STAB2: variants seen among roughly 807,000 people sequenced by gnomAD.
STAB2 encodes the protein stabilin 2, also known as stabilin-2.
A neutral mutation model predicts 338.1 loss-of-function variants in STAB2; 288 were observed. That is an observed-to-expected ratio of 0.85 (90% CI 0.77 to 0.94). The LOEUF (loss-of-function observed/expected upper bound fraction) is 0.94, where lower values mean the gene tolerates loss of function less well. Among genes scored for constraint, STAB2 ranks in the 40% least tolerant of loss-of-function variants. The pLI, the probability that STAB2 is intolerant of heterozygous loss-of-function variation, is 0.00. For missense variants in STAB2, 3,141 were observed against 3,210.1 expected (o/e 0.98, Z 0.52); for synonymous variants, 1,202 against 1,193.3 (o/e 1.01, Z -0.15).
At chr12:103,638,349 C>T in intron 8 of STAB2, 137 bp downstream of exon 8, 2 of 945,492 alleles carry the variant, frequency 2.1e-6, no homozygotes, top group Non-Finnish European at 3.1e-6. Context: ...AGACAGTCCT[C>T]CATGTGCTCA....
In STAB2 at chr12:103,640,182, G is replaced by T; in HGVS notation, c.966G>T (p.Met322Ile). ...QNFVPGVGCS[M>I]TDICKSDNPC... ...TCGTACCTGGAGTGGGGTGCAGTAT[G>T]ACTGATATATGTAAATCAGATAACC... Residue 322 changes from methionine (M) to isoleucine (I), a missense_variant, in exon 9 of 69, where the codon ATG becomes ATT. Coordinates refer to ENST00000388887, the MANE Select transcript of STAB2 (RefSeq NM_017564.10). The T allele has an allele frequency of 6.2e-7, 1 of 1,613,920 alleles. No homozygotes were observed. The highest frequency in any genetic ancestry group is 8.5e-7 in the Non-Finnish European group (1 of 1,179,868).
intron 67 of STAB2, among the ~76,000 whole-genome samples, chr12:103,762,712 T>C (rs1204028650): frequency 6.6e-6 from 1 of 152,204 alleles, no homozygotes; most frequent in Non-Finnish European, 1.5e-5. Flanking sequence ...CCTAGGAGTC[T>C]TGTTTACCTT....
At chr12:103,704,462 ATT>A (rs1466950562) in intron 35 of STAB2, 94 bp from the exon 36 acceptor site, 7 of 1,271,248 alleles carry the variant, frequency 5.5e-6, no homozygotes, top group Admixed American at 4.2e-5. Context: ...ATCTGCCTTG[ATT>A]TTTAATTCAA....
intron 39 of STAB2, chr12:103,711,233 AC>A: frequency 1.8e-6 from 1 of 556,470 alleles, no homozygotes; most frequent in Middle Eastern, 4.6e-4. Flanking sequence ...TTGCATCCTC[AC>A]TGCCTAGCAC....
rs757097792 is a variant in STAB2 at position 103,731,536 on chromosome 12, A to G, written c.5224-40A>G. ...TCTTGTTAAATTCCTCTTAAACTGT[A>G]TAAGGAAAAGTTTCATGCCCATTCT... On this transcript the variant is annotated intron_variant, in intron 49 of 68. Coordinates refer to ENST00000388887, the MANE Select transcript of STAB2 (RefSeq NM_017564.10). 5.0e-6 allele frequency: 8 copies of G among 1,607,542 alleles called. No homozygotes were observed. In the East Asian group the frequency reaches 6.7e-5, roughly 13 times the overall value.
At chr12:103,681,622 T>TC (rs1233544968) in intron 25 of STAB2, among the ~76,000 whole-genome samples, 84 of 139,916 alleles carry the variant, frequency 6.0e-4, no homozygotes, top group African/African-American at 2.2e-3. Flanking sequence ...ACTTTTTTTT[T>TC]TTTTTTTTTT....
At chr12:103,711,219 A>G (rs1879825376) in intron 39 of STAB2, 1 of 505,882 alleles carries the variant, frequency 2.0e-6, no homozygotes, top group Admixed American at 3.7e-5. Flanking sequence ...TGTTTTATTC[A>G]CTCTTGCATC....
intron 38 of STAB2, 33 bp from the exon 39 acceptor site, chr12:103,708,408 A>G (rs1327133264): frequency 6.2e-7 from 1 of 1,604,976 alleles, no homozygotes; most frequent in Admixed American, 1.7e-5. Flanking sequence ...ATGGGTTAGA[A>G]TCTGACGATT....
At chr12:103,690,604 A>C in intron 30 of STAB2, 66 bp downstream of exon 30, 1 of 1,412,912 alleles carries the variant, frequency 7.1e-7, no homozygotes, top group East Asian at 2.3e-5. Flanking sequence ...GTACTTTTTA[A>C]ATTTTCATGT....
chr12:103,667,241 G>A (rs540148082), intron 19 of STAB2, among the ~76,000 whole-genome samples: 2 of 152,192 alleles, frequency 1.3e-5, no homozygotes, highest in African/African-American at 4.8e-5. Flanking sequence ...CTTAACAAAG[G>A]CATTACCCCT....
intron 66 of STAB2, 60 bp from the exon 67 acceptor site, chr12:103,762,214 T>C: frequency 6.3e-7 from 1 of 1,597,930 alleles, no homozygotes; most frequent in East Asian, 2.2e-5. Flanking sequence ...CCACCAAGGG[T>C]TCCCCTTTTG....
At chr12:103,650,076 C>T (rs1396238513) in intron 10 of STAB2, among the ~76,000 whole-genome samples, 2 of 152,124 alleles carry the variant, frequency 1.3e-5, no homozygotes, top group Admixed American at 6.5e-5. Flanking sequence ...TTCAACATGG[C>T]AACTGCAGAG....
At chr12:103,640,576 G>A (rs1872852040) in intron 9 of STAB2, among the ~76,000 whole-genome samples, 1 of 152,194 alleles carries the variant, frequency 6.6e-6, no homozygotes, top group South Asian at 2.1e-4. Context: ...AGATTACAGG[G>A]TTATGACCTC....
intron 5 of STAB2, among the ~76,000 whole-genome samples, chr12:103,628,007 A>T (rs1957406466): frequency 6.6e-6 from 1 of 152,174 alleles, no homozygotes; most frequent in South Asian, 2.1e-4. Context: ...AATTGAATTG[A>T]ATCTTCTCCA....
Position 103,665,247 on chromosome 12 carries a change from C to T in STAB2, c.2023-1044C>T, listed in dbSNP as rs1874973659. 2.6e-5 allele frequency among the ~76,000 whole-genome samples: 4 copies of T among 152,168 alleles called. No homozygotes were observed. The South Asian group carries it at 8.3e-4, about 32-fold the overall frequency. ...TAGCAAAGAGTAGAAGCAGCTGGTA[C>T]CCTCTGGAAGTCTCAGTGTTTACCA... On this transcript the variant is annotated intron_variant, in intron 18 of 68. Coordinates refer to ENST00000388887, the MANE Select transcript of STAB2 (RefSeq NM_017564.10).
At chr12:103,670,374 CT>C (rs1875646510) in intron 21 of STAB2, among the ~76,000 whole-genome samples, 1 of 152,160 alleles carries the variant, frequency 6.6e-6, no homozygotes, top group African/African-American at 2.4e-5. Context: ...GCAGGTGAGA[CT>C]GTAAAGGGAG....
intron 39 of STAB2, among the ~76,000 whole-genome samples, chr12:103,710,470 CTAAT>C (rs1879752259): frequency 6.6e-6 from 1 of 152,204 alleles, no homozygotes; most frequent in Non-Finnish European, 1.5e-5. Context: ...GCAGACATCA[CTAAT>C]CAATCATGAC....
intron 12 of STAB2, among the ~76,000 whole-genome samples, chr12:103,652,951 G>GT (rs1306657096): frequency 3.3e-5 from 5 of 152,222 alleles, no homozygotes; most frequent in Non-Finnish European, 7.3e-5. Flanking sequence ...GTCTGATTTA[G>GT]TTTTCAAGGC....
chr12:103,681,512 C>T (rs1876895456), intron 25 of STAB2, among the ~76,000 whole-genome samples: 1 of 151,862 alleles, frequency 6.6e-6, no homozygotes, highest in Non-Finnish European at 1.5e-5. Flanking sequence ...TGCTGAAAAT[C>T]CTTGGTGTTT....
Sources: gnomAD v4.1 joint callset for allele counts (sites outside exome capture counted in the v4.1 genomes callset) on GRCh38, gnomAD v4.1.1 for gene constraint, MANE v1.5 for transcripts, NCBI Gene and HGNC (gene_info 2026-07-23, HGNC 2026-07-21) for gene names.